EYA2: variants seen among roughly 807,000 people sequenced by gnomAD.
EYA2 encodes EYA transcriptional coactivator and phosphatase 2, also known as protein phosphatase EYA2.
EYA2 carries 31 observed loss-of-function variants against 69.2 expected under a neutral mutation model. That is an observed-to-expected ratio of 0.45 (90% confidence interval 0.34 to 0.60). The LOEUF is 0.60. EYA2 is among the 20% of genes least tolerant of loss of function. The pLI, the probability that EYA2 is intolerant of heterozygous loss-of-function variation, is 0.02. For synonymous variants in EYA2, 257 were observed against 279.4 expected, an observed-to-expected ratio of 0.92 and a Z score of 0.80; for missense variants, 622 against 701.2, an observed-to-expected ratio of 0.89 and a Z score of 1.28.
intron 1 of EYA2, among the ~76,000 whole-genome samples, chr20:46,957,653 A>G (rs1380585230): frequency 6.6e-6 from 1 of 151,988 alleles, no homozygotes; most frequent in African/African-American, 2.4e-5. Context: ...CCACAAATCA[A>G]GGTTTGCTGG....
chr20:47,034,723 T>G (rs1430604039), intron 5 of EYA2, among the ~76,000 whole-genome samples: 1 of 152,220 alleles, frequency 6.6e-6, no homozygotes, highest in Non-Finnish European at 1.5e-5. Flanking sequence ...TCTGGGTCAC[T>G]TTGAAGAATA....
intron 1 of EYA2, among the ~76,000 whole-genome samples, chr20:46,949,849 C>G (rs1204464643): frequency 6.6e-6 from 1 of 152,248 alleles, no homozygotes; most frequent in East Asian, 1.9e-4. Context: ...GTGCCACTTA[C>G]CCACTGTGTG....
intron 5 of EYA2, among the ~76,000 whole-genome samples, chr20:47,047,543 C>G (rs575037241): frequency 6.6e-6 from 1 of 152,180 alleles, no homozygotes; most frequent in Non-Finnish European, 1.5e-5. Flanking sequence ...TGTGCCACCA[C>G]GCCTGGCTAA....
At chr20:47,006,628 C>T (rs1298408594) in intron 4 of EYA2, among the ~76,000 whole-genome samples, 1 of 152,160 alleles carries the variant, frequency 6.6e-6, no homozygotes, top group Non-Finnish European at 1.5e-5. Context: ...TTCATTCATT[C>T]ATTCATTTAT....
At chr20:46,976,106 A>G (rs11699232) in intron 1 of EYA2, among the ~76,000 whole-genome samples, 57,694 of 152,066 alleles carry the variant, frequency 0.38, 11,909 homozygotes, top group Non-Finnish European at 0.46. Context: ...CATGCCTGTA[A>G]TCCCTGCACC....
At position 47,151,667 on chromosome 20, in the gene EYA2, C is replaced by T. The variant is rs879520913; in HGVS notation, c.978+8519C>T. Among the ~76,000 whole-genome samples, 7 of 151,992 alleles carry T rather than the reference C, an allele frequency of 4.6e-5. 1 individual carries two copies. Among genetic ancestry groups the T allele is most frequent in the East Asian group, 3.9e-4 (2 of 5,098 alleles). ...TCCATGTCCTTAGGGAAGTCTTACCCGATTCCCCTCAAAAGGTTAGATTCT... is the reference window on the plus strand; with the variant it reads ...TCCATGTCCTTAGGGAAGTCTTACCTGATTCCCCTCAAAAGGTTAGATTCT... On this transcript the variant is annotated intron_variant, in intron 10 of 15. Coordinates refer to ENST00000327619, the MANE Select transcript of EYA2 (RefSeq NM_005244.5).
chr20:46,897,198 A>T (rs1348449657), intron 1 of EYA2, among the ~76,000 whole-genome samples: 1 of 152,308 alleles, frequency 6.6e-6, no homozygotes, highest in African/African-American at 2.4e-5. Context: ...CGTGTAAGAG[A>T]TTGCAAACCT....
chr20:47,080,299 G>T (rs1250770522), intron 7 of EYA2, among the ~76,000 whole-genome samples: 1 of 151,790 alleles, frequency 6.6e-6, no homozygotes, highest in East Asian at 1.9e-4. Context: ...GAATGAAAAT[G>T]AAAACAAATA....
intron 1 of EYA2, among the ~76,000 whole-genome samples, chr20:46,918,348 G>T (rs1266293145): frequency 6.7e-6 from 1 of 148,808 alleles, no homozygotes; most frequent in African/African-American, 2.5e-5. Flanking sequence ...TCACTCTGTA[G>T]CCCAAGCTGA....
In EYA2 at chr20:47,022,240, CCTTT is replaced by C. The variant is rs367675009; in HGVS notation, c.415+5944_415+5947del. Among the ~76,000 whole-genome samples, 831 of 152,228 alleles carry C rather than the reference CCTTT, an allele frequency of 5.5e-3. 4 individuals are homozygous for C. The highest frequency in any genetic ancestry group is 0.019 in the African/African-American group (785 of 41,532). On this transcript the variant is annotated intron_variant, in intron 5 of 15. Coordinates refer to ENST00000327619, the MANE Select transcript of EYA2 (RefSeq NM_005244.5). Reference sequence around the variant, plus strand: ...GATGTCATGATCTTTTAGGACCCTTCCTTTATGAACGTTCTTTGAATTTCTATTG... The same window carrying C: ...GATGTCATGATCTTTTAGGACCCTTCATGAACGTTCTTTGAATTTCTATTG...
chr20:47,181,008 G>A, intron 14 of EYA2, 72 bp downstream of exon 14: 1 of 1,562,770 alleles, frequency 6.4e-7, no homozygotes, highest in Non-Finnish European at 8.7e-7. Flanking sequence ...CTGGGAATGG[G>A]GTGTTTAAGG....
At chr20:47,066,585 C>T (rs553798664) in intron 5 of EYA2, among the ~76,000 whole-genome samples, 10 of 152,296 alleles carry the variant, frequency 6.6e-5, no homozygotes, top group African/African-American at 2.2e-4. Context: ...TCCAAGATGG[C>T]CCCATTCCAT....
intron 10 of EYA2, among the ~76,000 whole-genome samples, chr20:47,146,071 A>G (rs1277589680): frequency 2.0e-5 from 3 of 151,984 alleles, no homozygotes; most frequent in African/African-American, 7.2e-5. Context: ...CTAGATGTGG[A>G]GGTTGGGGGA....
chr20:47,052,576 G>A (rs1054080376), intron 5 of EYA2, among the ~76,000 whole-genome samples: 4 of 152,162 alleles, frequency 2.6e-5, no homozygotes, highest in South Asian at 2.1e-4. Context: ...TTTGTAAACC[G>A]CTACAAGGCA....
chr20:47,162,201 G>A (rs2034082787), intron 10 of EYA2, among the ~76,000 whole-genome samples: 1 of 152,094 alleles, frequency 6.6e-6, no homozygotes, highest in South Asian at 2.1e-4. Flanking sequence ...CCCACGCTAA[G>A]GTCCTCATCT....
At chr20:47,147,788 G>T (rs2146607329) in intron 10 of EYA2, among the ~76,000 whole-genome samples, 1 of 152,352 alleles carries the variant, frequency 6.6e-6, no homozygotes, top group South Asian at 2.1e-4. Context: ...GCCTGGTGCG[G>T]TGGCTCACGC....
chr20:47,117,653 A>G lies in EYA2; in HGVS notation c.888+20485A>G, dbSNP rs965288467. Reference sequence around the variant, plus strand: ...ACAAACTGAGAAGAAATAAAAAGAAAAAGAAAAAGAAAACCCGGTTTTATG... The same window carrying G: ...ACAAACTGAGAAGAAATAAAAAGAAGAAGAAAAAGAAAACCCGGTTTTATG... On this transcript the variant is annotated intron_variant, in intron 9 of 15. Transcript: ENST00000327619. 5 of 985,296 alleles carry G rather than the reference A, an allele frequency of 5.1e-6. No homozygotes were observed. In the African/African-American group the frequency reaches 8.7e-5, roughly 17 times the overall value. 61.0% of individuals were successfully genotyped at this position (985,296 alleles called of 1,614,324 possible). A position where few individuals can be genotyped will look rare whatever the true frequency, so the allele number is the denominator to read the frequency against.
At chr20:47,072,158 C>T in intron 5 of EYA2, 27 bp from the exon 6 acceptor site, 1 of 1,603,040 alleles carries the variant, frequency 6.2e-7, no homozygotes, top group Non-Finnish European at 8.5e-7. Flanking sequence ...GAACCCTAAC[C>T]TGTACCCCTG....
chr20:46,931,410 T>C (rs1358469981), intron 1 of EYA2, among the ~76,000 whole-genome samples: 2 of 152,222 alleles, frequency 1.3e-5, no homozygotes, highest in African/African-American at 4.8e-5. Context: ...GCTGGCGACA[T>C]GGCACAGGCT....
Sources: allele counts gnomAD v4.1 joint callset (sites outside exome capture counted in the v4.1 genomes callset), GRCh38; gene constraint gnomAD v4.1.1; transcripts MANE v1.5; gene names NCBI Gene and HGNC (gene_info 2026-07-23, HGNC 2026-07-21).